FAT4: variants seen among roughly 807,000 people sequenced by gnomAD.
The protein encoded by FAT4 is protocadherin Fat 4.
In FAT4, 84 loss-of-function variants were observed where a neutral mutation model predicts 303.9. That is an observed-to-expected ratio of 0.28 (90% CI 0.23 to 0.33). FAT4 has a LOEUF of 0.33. FAT4 is among the 10% of genes least tolerant of loss of function. The probability of loss-of-function intolerance (pLI) is 1.00; values close to 1 mark genes in which losing one functional copy is unlikely to be tolerated. For synonymous variants in FAT4, 2,307 were observed against 2,298.8 expected (o/e 1.00, Z -0.10); for missense variants, 6,005 against 6,146.8 (o/e 0.98, Z 0.77).
intron 7 of FAT4, among the ~76,000 whole-genome samples, chr4:125,427,569 A>AT (rs11371145): frequency 0.99 from 151,028 of 152,092 alleles, 74,991 homozygotes; most frequent in Middle Eastern, 1. Flanking sequence ...TGTTTTATGT[A>AT]TTTTTTGTAT....
chr4:125,476,534 C>T (rs183803176), intron 13 of FAT4, among the ~76,000 whole-genome samples: 51 of 152,178 alleles, frequency 3.4e-4, no homozygotes, highest in African/African-American at 1.1e-3. Context: ...TTGCATATGA[C>T]CTTCATTCTG....
At chr4:125,343,648 G>T (rs865881715) in intron 2 of FAT4, among the ~76,000 whole-genome samples, 1 of 151,994 alleles carries the variant, frequency 6.6e-6, no homozygotes, top group South Asian at 2.1e-4. Flanking sequence ...AAGAATATAC[G>T]TTAAAAATAC....
intron 7 of FAT4, among the ~76,000 whole-genome samples, chr4:125,424,900 G>A (rs997954742): frequency 3.3e-5 from 5 of 152,098 alleles, no homozygotes; most frequent in East Asian, 1.9e-4. Context: ...AAAAAGGCAC[G>A]AATCAGGCAT....
rs151211265 is a variant in FAT4 at position 125,369,582 on chromosome 4, C to T, written c.5176-29202C>T. 2.8e-3 allele frequency among the ~76,000 whole-genome samples: 426 copies of T among 152,268 alleles called. 10 individuals are homozygous for T. In the East Asian group the frequency reaches 0.045, roughly 16 times the overall value. On this transcript the variant is annotated intron_variant, in intron 2 of 17. Coordinates refer to ENST00000394329, the MANE Select transcript of FAT4 (RefSeq NM_001291303.3). ...TTAATGAAAATGGCTAAAGTCTGGCCTTGCCATTGAGGTTTTTAAAAATTC... is the reference window on the plus strand; with the variant it reads ...TTAATGAAAATGGCTAAAGTCTGGCTTTGCCATTGAGGTTTTTAAAAATTC...
At chr4:125,483,449 A>G (rs1462349298) in intron 16 of FAT4, among the ~76,000 whole-genome samples, 1 of 152,184 alleles carries the variant, frequency 6.6e-6, no homozygotes, top group Non-Finnish European at 1.5e-5. Context: ...ACGTACACTT[A>G]AAGCCAAGGA....
At position 125,451,920 on chromosome 4, in the gene FAT4, C is replaced by T. The variant is rs1332535204; in HGVS notation, c.10910C>T (p.Ser3637Phe). The change falls in exon 10 of 18, where the codon TCT becomes TTT. Residue 3637 changes from serine (S) to phenylalanine (F), a missense_variant. By Grantham distance (155) the Ser-to-Phe change is radical (BLOSUM62 -2). Coordinates refer to ENST00000394329, the MANE Select transcript of FAT4 (RefSeq NM_001291303.3). Reference sequence around the variant, plus strand: ...TTGTTTCCCGGTGGGATTTTAGGCTCTGTGAAGCCACAGGATCCAGATGTG... The same window carrying T: ...TTGTTTCCCGGTGGGATTTTAGGCTTTGTGAAGCCACAGGATCCAGATGTG... ...GNLFPGGILG[S>F]VKPQDPDVLD... 1.2e-6 allele frequency: 2 copies of T among 1,614,090 alleles called. No individual in the cohort carries two copies. The highest frequency in any genetic ancestry group is 1.7e-5 in the Admixed American group (1 of 60,020).
intron 2 of FAT4, among the ~76,000 whole-genome samples, chr4:125,396,219 T>TA (rs1197582683): frequency 6.6e-6 from 1 of 152,128 alleles, no homozygotes. Context: ...CAATGGGAGA[T>TA]AAAGTTCTTA....
chr4:125,339,287 C>T (rs1006857451), intron 2 of FAT4, among the ~76,000 whole-genome samples: 3 of 152,066 alleles, frequency 2.0e-5, no homozygotes, highest in Non-Finnish European at 4.4e-5. Flanking sequence ...CCTCAGCCTC[C>T]CGGGTTCAAG....
rs1172497833 is a variant in FAT4 at position 125,320,879 on chromosome 4, A to C, written c.4468A>C (p.Asn1490His). ...TNAEIDREFANLFELTVKAND... is the reference protein window; with the variant it reads ...TNAEIDREFAHLFELTVKAND... ...TGCTGAAATAGATCGGGAATTTGCT[A>C]ATCTCTTTGAGTTGACTGTAAAAGC... Residue 1490 changes from asparagine to histidine, a missense_variant, in exon 2 of 18, where the codon AAT becomes CAT. Coordinates refer to ENST00000394329, the MANE Select transcript of FAT4 (RefSeq NM_001291303.3). 1 of 1,614,174 alleles carries C rather than the reference A, an allele frequency of 6.2e-7. No homozygotes were observed. Among genetic ancestry groups the C allele is most frequent in the Non-Finnish European group, 8.5e-7 (1 of 1,179,986 alleles).
intron 2 of FAT4, among the ~76,000 whole-genome samples, chr4:125,395,141 ATCT>A (rs1052206643): frequency 1.3e-5 from 2 of 152,132 alleles, no homozygotes; most frequent in African/African-American, 4.8e-5. Context: ...ATGAGTTCAG[ATCT>A]TCTCTCCTAG....
intron 2 of FAT4, among the ~76,000 whole-genome samples, chr4:125,361,488 T>G (rs183296760): frequency 6.6e-6 from 1 of 152,264 alleles, no homozygotes; most frequent in East Asian, 1.9e-4. Context: ...AAGGATGGTG[T>G]GCAGGTGGTA....
intron 2 of FAT4, among the ~76,000 whole-genome samples, chr4:125,352,927 T>A (rs1029351742): frequency 4.6e-5 from 7 of 151,970 alleles, no homozygotes; most frequent in Non-Finnish European, 7.4e-5. Context: ...TATTGCTGTT[T>A]CCTCAGCAGA....
At chr4:125,359,308 G>A (rs1011825059) in intron 2 of FAT4, among the ~76,000 whole-genome samples, 3 of 152,126 alleles carry the variant, frequency 2.0e-5, no homozygotes, top group Non-Finnish European at 4.4e-5. Flanking sequence ...AGGTGGTTAA[G>A]TATCTTGATT....
chr4:125,479,971 A>G, intron 15 of FAT4, 106 bp downstream of exon 15: 1 of 797,890 alleles, frequency 1.3e-6, no homozygotes. Context: ...TTCATTCTAA[A>G]TATTAAAATA....
chr4:125,382,055 T>G (rs1001403923), intron 2 of FAT4, among the ~76,000 whole-genome samples: 5 of 152,222 alleles, frequency 3.3e-5, no homozygotes, highest in African/African-American at 9.6e-5. Context: ...TTGCTATGTC[T>G]ACCACATCCG....
Position 125,334,344 on chromosome 4 carries a change from C to T in FAT4, c.5175+12758C>T, listed in dbSNP as rs906576026. 5.9e-5 allele frequency among the ~76,000 whole-genome samples: 9 copies of T among 152,208 alleles called. No homozygotes were observed. The East Asian group carries it at 1.4e-3, about 23-fold the overall frequency. On this transcript the variant is annotated intron_variant, in intron 2 of 17. Transcript: ENST00000394329. ...ACATGCCCCCTCACCTCTTCCCATG[C>T]ACCTGTCCCCATCCCATCCATATTG...
chr4:125,333,970 T>C (rs1731480725), intron 2 of FAT4, among the ~76,000 whole-genome samples: 1 of 152,128 alleles, frequency 6.6e-6, no homozygotes, highest in Admixed American at 6.6e-5. Flanking sequence ...AATGGGAGTC[T>C]CAGGTTTTTA....
chr4:125,332,150 C>T (rs1031303423), intron 2 of FAT4, among the ~76,000 whole-genome samples: 3 of 137,602 alleles, frequency 2.2e-5, no homozygotes, highest in Non-Finnish European at 3.1e-5. Context: ...TTTAGAGTTC[C>T]GTTCCATTCT....
chr4:125,394,093 A>C (rs943496172), intron 2 of FAT4: 4 of 696,236 alleles, frequency 5.7e-6, no homozygotes, highest in African/African-American at 5.3e-5. Flanking sequence ...ATATCTAAGC[A>C]CAAAGGTCAA....
Sources: allele counts gnomAD v4.1 joint callset (sites outside exome capture counted in the v4.1 genomes callset), GRCh38; gene constraint gnomAD v4.1.1; transcripts MANE v1.5; gene names NCBI Gene and HGNC (gene_info 2026-07-23, HGNC 2026-07-21).